Variants in ZNF446 observed in about 807,000 individuals in gnomAD.
ZNF446 encodes zinc finger protein 446, also known as zinc finger protein with KRAB and SCAN domains 20.
In ZNF446, 42 loss-of-function variants were observed where a neutral mutation model predicts 34.0. The observed-to-expected ratio is 1.23, with a 90% confidence interval of 0.96 to 1.60. The LOEUF is 1.60. Ranked by LOEUF, ZNF446 falls within the 40% of genes most tolerant of loss-of-function variation. The pLI, the probability that ZNF446 is intolerant of heterozygous loss-of-function variation, is 0.00. For synonymous variants in ZNF446, 315 were observed against 251.0 expected (o/e 1.25, Z -2.41); for missense variants, 650 against 600.2 (o/e 1.08, Z -0.87).
rs372021171 is a variant in ZNF446, at chr19:58,477,478, G to A, written c.260G>A (p.Arg87His). Reference protein sequence around the residue: ...TLPPEIQAWVRGQRPGSPEEA... With the variant: ...TLPPEIQAWVHGQRPGSPEEA... ...CCTCCCGAGATCCAGGCCTGGGTGC[G>A]CGGTCAGCGGCCAGGCAGTCCTGAG... is the stretch of plus-strand genomic sequence containing the variant. Residue 87 changes from arginine (R) to histidine (H), a missense_variant, in exon 2 of 7, where the codon CGC becomes CAC. Coordinates refer to ENST00000594369, the MANE Select transcript of ZNF446 (RefSeq NM_017908.4). The A allele has an allele frequency of 2.0e-5, 33 of 1,613,594 alleles. No individual in the cohort carries two copies. Among genetic ancestry groups the A allele is most frequent in the Admixed American group, 8.3e-5 (5 of 60,018 alleles).
At chr19:58,484,592 G>C (rs927604504), downstream of ZNF446, among the ~76,000 whole-genome samples, 2 of 152,114 alleles carry the variant, frequency 1.3e-5, no homozygotes, top group African/African-American at 4.8e-5. Flanking sequence ...AGCACTTTGG[G>C]AGGCAAAGGC....
chr19:58,489,127 C>G, the ZNF446 span, among the ~76,000 whole-genome samples: 2 of 152,218 alleles, frequency 1.3e-5, no homozygotes, highest in Non-Finnish European at 2.9e-5. Flanking sequence ...ACAGCCCTTT[C>G]CCAAAGCAGA....
At chr19:58,481,991 T>G (rs540449099), downstream of ZNF446, among the ~76,000 whole-genome samples, 3 of 152,158 alleles carry the variant, frequency 2.0e-5, no homozygotes, top group Non-Finnish European at 4.4e-5. Context: ...AGACGGGGTT[T>G]CACCGTGTTA....
the ZNF446 span, among the ~76,000 whole-genome samples, chr19:58,486,723 G>T: frequency 2.1e-5 from 3 of 141,754 alleles, no homozygotes; most frequent in Admixed American, 6.9e-5. Context: ...TTTTTGGGGG[G>T]GGGCGGGGAG....
At position 58,480,257 on chromosome 19, in the gene ZNF446, C is replaced by T. The variant is rs777063353; in HGVS notation, c.884C>T (p.Ser295Phe). ...GGGCCGGCAGCCTGGGAGGGCTTGTCTGGGGCTGCCACTCCTGCCCCCACT... is the reference window on the plus strand; with the variant it reads ...GGGCCGGCAGCCTGGGAGGGCTTGTTTGGGGCTGCCACTCCTGCCCCCACT... ...GPGPAAWEGL[S>F]GAATPAPTVR... Residue 295 changes from serine to phenylalanine, a missense_variant, in exon 7 of 7, where the codon TCT (serine) becomes TTT (phenylalanine). Transcript: ENST00000594369. The surrounding 1 kb of genome is among the most constrained non-coding windows in gnomAD (Gnocchi z 7.2). The T allele has an allele frequency of 1.3e-6, 2 of 1,579,638 alleles. No homozygotes were observed. The highest frequency in any genetic ancestry group is 1.3e-5 in the African/African-American group (1 of 74,376).
intron 5 of ZNF446, 22 bp downstream of exon 5, chr19:58,479,749 C>T (rs1313404793): frequency 6.2e-7 from 1 of 1,603,886 alleles, no homozygotes; most frequent in African/African-American, 1.3e-5. Flanking sequence ...CCAGCCCCAC[C>T]CCGCCCCTCT....
chr19:58,483,050 A>G (rs915253813), downstream of ZNF446, among the ~76,000 whole-genome samples: 1 of 152,236 alleles, frequency 6.6e-6, no homozygotes, highest in East Asian at 1.9e-4. Flanking sequence ...TCTCATGGCA[A>G]TGCTTACTCC....
rs776503545 is a variant in ZNF446 at position 58,477,342 on chromosome 19, G to A, written c.124G>A (p.Glu42Lys). The A allele has an allele frequency of 1.9e-6, 3 of 1,613,468 alleles. No individual in the cohort carries two copies. The South Asian group carries it at 3.3e-5, about 18-fold the overall frequency. The change falls in exon 2 of 7, where the codon GAA becomes AAA. Residue 42 changes from glutamate (E) to lysine (K), a missense_variant. Glu to Lys is a moderately conservative substitution (Grantham distance 56, BLOSUM62 1). Coordinates refer to ENST00000594369, the MANE Select transcript of ZNF446 (RefSeq NM_017908.4). ...CTACCAGGAGGTGGCAGGTCCCCGA[G>A]AAGCCCTGGCCCGGCTGCGTGAGCT... is the stretch of plus-strand genomic sequence containing the variant. ...FCYQEVAGPR[E>K]ALARLRELCC...
At position 58,480,792 on chromosome 19, in the gene ZNF446, A is replaced by C. The variant is rs2053134400; in HGVS notation, c.*66A>C. 2 of 1,538,048 alleles carry C rather than the reference A, an allele frequency of 1.3e-6. No homozygotes were observed. The highest frequency in any genetic ancestry group is 2.7e-5 in the African/African-American group (2 of 73,446). Reference sequence around the variant, plus strand: ...GGGGCCTGGATACAGCCTCTGGGGCACCAGCAGAAGACTCTGGAGGCAGCA... The same window carrying C: ...GGGGCCTGGATACAGCCTCTGGGGCCCCAGCAGAAGACTCTGGAGGCAGCA... On this transcript the variant is annotated 3_prime_UTR_variant, in exon 7 of 7. Coordinates refer to ENST00000594369, the MANE Select transcript of ZNF446 (RefSeq NM_017908.4). This position sits in a 1 kb window ranked among gnomAD's most constrained non-coding sequence, Gnocchi z 7.2.
downstream of ZNF446, among the ~76,000 whole-genome samples, chr19:58,482,083 C>A (rs532496986): frequency 1.3e-5 from 2 of 152,174 alleles, no homozygotes; most frequent in African/African-American, 4.8e-5. Context: ...CGTGAGCCAC[C>A]GCGCCCGGCC....
At chr19:58,478,216 G>C (rs375347224) in intron 4 of ZNF446, 35 bp downstream of exon 4, 1 of 1,596,660 alleles carries the variant, frequency 6.3e-7, no homozygotes, top group East Asian at 2.2e-5. Context: ...TAGGCCCCAG[G>C]TGTGAGAAGG....
Position 58,480,955 on chromosome 19 carries a change from C to G in ZNF446, c.*229C>G, listed in dbSNP as rs1319364682. Reference sequence around the variant, plus strand: ...GCCTCCTAGAGGGAGGTCTGGGTTCCCTTCTATGGCTGACCAGTGCCTGTG... The same window carrying G: ...GCCTCCTAGAGGGAGGTCTGGGTTCGCTTCTATGGCTGACCAGTGCCTGTG... On this transcript the variant is annotated 3_prime_UTR_variant, in exon 7 of 7. Transcript: ENST00000594369. The surrounding 1 kb of genome is among the most constrained non-coding windows in gnomAD (Gnocchi z 7.2). 2 of 584,950 alleles carry G rather than the reference C, an allele frequency of 3.4e-6. No homozygotes were observed. The highest frequency in any genetic ancestry group is 3.7e-5 in the African/African-American group (2 of 53,664). 36.2% of individuals were successfully genotyped at this position (584,950 alleles called of 1,614,324 possible). A position where few individuals can be genotyped will look rare whatever the true frequency, so the allele number is the denominator to read the frequency against.
rs749982843 is a variant in ZNF446, at chr19:58,478,184, G to C, written c.627+3G>C. 3 of 1,613,506 alleles carry C rather than the reference G, an allele frequency of 1.9e-6. No individual in the cohort carries two copies. The highest frequency in any genetic ancestry group is 2.2e-5 in the South Asian group (2 of 91,036). On this transcript the variant is annotated splice_donor_region_variant and intron_variant, in intron 4 of 6. Coordinates refer to ENST00000594369, the MANE Select transcript of ZNF446 (RefSeq NM_017908.4). ...CCTTCCACCCACCCAGGATTCAGGT[G>C]AGCAGCCCCAAGTGGGAAGTATAGG...
At chr19:58,486,649 C>T in the ZNF446 span, among the ~76,000 whole-genome samples, 1 of 149,022 alleles carries the variant, frequency 6.7e-6, no homozygotes, top group Non-Finnish European at 1.5e-5. Context: ...CTCAGGTGAT[C>T]CGCCCACCTC....
chr19:58,478,900 C>CT (rs1011815026), intron 4 of ZNF446, among the ~76,000 whole-genome samples: 1 of 152,146 alleles, frequency 6.6e-6, no homozygotes, highest in Non-Finnish European at 1.5e-5. Flanking sequence ...TGGAGACACT[C>CT]TCCCTGGGAA....
chr19:58,488,009 G>A, the ZNF446 span, among the ~76,000 whole-genome samples: 224 of 150,014 alleles, frequency 1.5e-3, 2 homozygotes, highest in African/African-American at 5.3e-3. Flanking sequence ...CTTGCTCATG[G>A]CCACACACCC....
the ZNF446 span, among the ~76,000 whole-genome samples, chr19:58,486,885 CT>C: frequency 2.0e-5 from 3 of 151,922 alleles, no homozygotes; most frequent in Non-Finnish European, 4.4e-5. Context: ...TCACTGCAAG[CT>C]CCGCCTCCTG....
Position 58,480,209 on chromosome 19 carries a change from AGGCCCAGCCGCCCCAG to A in ZNF446, c.844_859del (p.Pro282GlyfsTer79). 6.3e-7 allele frequency: 1 copy of A among 1,596,454 alleles called. No individual in the cohort carries two copies. The highest frequency in any genetic ancestry group is 8.5e-7 in the Non-Finnish European group (1 of 1,178,298). Reference sequence around the variant, plus strand: ...AGTGAGGGTCCACCTGGCTGCCCAGAGGCCCAGCCGCCCCAGGGCCCAGGGCCGGCAGCCTGGGAGG... The same window carrying A: ...AGTGAGGGTCCACCTGGCTGCCCAGAGGCCCAGGGCCGGCAGCCTGGGAGG... On this transcript the variant is annotated frameshift_variant, in exon 7 of 7. Transcript: ENST00000594369. LOFTEE classifies it low-confidence loss of function (END_TRUNC). The surrounding 1 kb of genome is among the most constrained non-coding windows in gnomAD (Gnocchi z 7.2).
chr19:58,478,119 CCT>C lies in ZNF446; in HGVS notation c.566_567del (p.Pro189ArgfsTer81), dbSNP rs781409891. On this transcript the variant is annotated frameshift_variant, in exon 4 of 7. Coordinates refer to ENST00000594369, the MANE Select transcript of ZNF446 (RefSeq NM_017908.4). LOFTEE classifies it high-confidence loss of function. Reference sequence around the variant, plus strand: ...CAGCCCTCCACTTGCAGCACAGTCCCCTGAGGGGAACCATGGACACCAAGAAC... The same window carrying C: ...CAGCCCTCCACTTGCAGCACAGTCCCGAGGGGAACCATGGACACCAAGAAC... ...PSSPPLAAQS[P>X]EGNHGHQEPA... The C allele has an allele frequency of 1.7e-5, 28 of 1,613,936 alleles. No individual in the cohort carries two copies. Among genetic ancestry groups the C allele is most frequent in the African/African-American group, 2.7e-5 (2 of 74,916 alleles).
Sources: allele counts gnomAD v4.1 joint callset (sites outside exome capture counted in the v4.1 genomes callset), GRCh38; gene constraint gnomAD v4.1.1; non-coding constraint Gnocchi (gnomAD v3.1); transcripts MANE v1.5; gene names NCBI Gene and HGNC (gene_info 2026-07-23, HGNC 2026-07-21).